Variants in REEP5 observed in about 807,000 individuals in gnomAD.
The protein encoded by REEP5 is receptor expression-enhancing protein 5.
REEP5 carries 24 observed loss-of-function variants against 22.4 expected under a neutral mutation model. The observed-to-expected ratio is 1.07, with a 90% CI of 0.78 to 1.51. REEP5 has a LOEUF of 1.51. Among genes scored for constraint, REEP5 ranks in the 40% most tolerant of loss-of-function variants. The probability of loss-of-function intolerance (pLI) is 0.00; values close to 1 mark genes in which losing one functional copy is unlikely to be tolerated. For synonymous variants in REEP5, 103 were observed against 88.6 expected, an observed-to-expected ratio of 1.16 and a Z score of -0.92; for missense variants, 252 against 233.0, an observed-to-expected ratio of 1.08 and a Z score of -0.53.
chr5:112,895,992 C>T (rs189722528), intron 3 of REEP5: 2 of 152,468 alleles, frequency 1.3e-5, no homozygotes, highest in Non-Finnish European at 2.9e-5. Context: ...CATTCTATTC[C>T]GTCTGTGCTT....
chr5:112,886,502 G>T (rs765018358), intron 4 of REEP5, among the ~76,000 whole-genome samples: 4 of 152,196 alleles, frequency 2.6e-5, no homozygotes, highest in African/African-American at 9.7e-5. Context: ...TCTTCTGCAA[G>T]TGGAGAGAAC....
chr5:112,892,261 A>G (rs776362524), intron 3 of REEP5: 1 of 1,614,138 alleles, frequency 6.2e-7, no homozygotes, highest in South Asian at 1.1e-5. Context: ...CCTTCTTATT[A>G]AGAGCATGTT....
intron 3 of REEP5, chr5:112,893,094 TAAAAAAAAAAAAA>T: frequency 8.0e-5 from 40 of 500,078 alleles, no homozygotes; most frequent in Middle Eastern, 6.8e-4. Context: ...GTTTTGTTCT[TAAAAAAAAAAAAA>T]AAAAAAAAAA....
At chr5:112,878,919 G>C in intron 4 of REEP5, 84 bp from the exon 5 acceptor site, 1 of 1,602,670 alleles carries the variant, frequency 6.2e-7, no homozygotes, top group Non-Finnish European at 8.5e-7. Flanking sequence ...GCCTAATGTA[G>C]CTACTAGATA....
intron 3 of REEP5, among the ~76,000 whole-genome samples, chr5:112,900,841 CT>C (rs538292150): frequency 3.4e-3 from 491 of 143,358 alleles, no homozygotes; most frequent in African/African-American, 5.4e-3. Context: ...GAATATATTT[CT>C]TTTTTTTTTT....
chr5:112,902,367 A>G lies in REEP5; in HGVS notation c.351+13T>C. ...ACTGAGATGGAGTTTTAGTGGTAGC[A>G]AGACCAACATACCTTCAGCATGTAG... On this transcript the variant is annotated intron_variant, in intron 3 of 4. Transcript: ENST00000379638. The G allele has an allele frequency of 6.2e-7, 1 of 1,601,510 alleles. No individual in the cohort carries two copies. Among genetic ancestry groups the G allele is most frequent in the Non-Finnish European group, 8.5e-7 (1 of 1,175,678 alleles).
At chr5:112,917,271 T>C (rs1294941801) in intron 2 of REEP5, among the ~76,000 whole-genome samples, 1 of 152,208 alleles carries the variant, frequency 6.6e-6, no homozygotes, top group East Asian at 1.9e-4. Flanking sequence ...CTAAATGTGC[T>C]TTACATTCCT....
intron 2 of REEP5, among the ~76,000 whole-genome samples, chr5:112,919,307 G>C (rs541201686): frequency 4.2e-4 from 64 of 152,246 alleles, no homozygotes; most frequent in African/African-American, 1.5e-3. Flanking sequence ...CAGTACTTTG[G>C]GAGGCTGAGA....
chr5:112,893,094 T>TAAAAA (rs552226372), intron 3 of REEP5: 35 of 501,476 alleles, frequency 7.0e-5, no homozygotes, highest in Non-Finnish European at 8.2e-5. Context: ...GTTTTGTTCT[T>TAAAAA]AAAAAAAAAA....
chr5:112,922,194 G>A lies in REEP5; in HGVS notation c.-4C>T, dbSNP rs1171282332. On this transcript the variant is annotated 5_prime_UTR_variant, in exon 1 of 5. Coordinates refer to ENST00000379638, the MANE Select transcript of REEP5 (RefSeq NM_005669.5). The stretch of plus-strand genomic sequence containing the variant: ...TCTCCCTCATGGCCGCAGACATGGC[G>A]GGGACCGTCTCGCCGCTCGGGGCTG... The A allele has an allele frequency of 6.2e-7, 1 of 1,603,134 alleles. No individual in the cohort carries two copies. The highest frequency in any genetic ancestry group is 1.4e-5 in the African/African-American group (1 of 73,866).
intron 2 of REEP5, among the ~76,000 whole-genome samples, chr5:112,917,683 G>C (rs1195183683): frequency 6.6e-6 from 1 of 152,162 alleles, no homozygotes; most frequent in Non-Finnish European, 1.5e-5. Flanking sequence ...TGAGGGTGCA[G>C]CACAGCATAC....
intron 2 of REEP5, among the ~76,000 whole-genome samples, chr5:112,905,552 A>C (rs1768935996): frequency 7.1e-6 from 1 of 140,738 alleles, no homozygotes; most frequent in Admixed American, 7.0e-5. Context: ...AAAAAAAAAC[A>C]AAACAAAAAA....
chr5:112,884,753 A>C (rs1768184414), intron 4 of REEP5, among the ~76,000 whole-genome samples: 1 of 147,078 alleles, frequency 6.8e-6, no homozygotes, highest in African/African-American at 2.6e-5. Flanking sequence ...CTCTATTTAA[A>C]ATCATAACCA....
intron 3 of REEP5, chr5:112,892,947 G>C: frequency 6.3e-7 from 1 of 1,599,072 alleles, no homozygotes; most frequent in Non-Finnish European, 8.5e-7. Flanking sequence ...ACCGCAGCTG[G>C]GACCAGGGCC....
intron 1 of REEP5, chr5:112,921,518 C>G: frequency 1.9e-6 from 1 of 531,642 alleles, no homozygotes; most frequent in South Asian, 2.1e-5. Context: ...CAGCAACCCC[C>G]GGCGCCCGGG....
chr5:112,880,430 G>C (rs1486373007), intron 4 of REEP5, among the ~76,000 whole-genome samples: 6 of 151,980 alleles, frequency 3.9e-5, no homozygotes, highest in African/African-American at 1.5e-4. Context: ...AGCTGTTCTT[G>C]ATGGAGCCAG....
intron 4 of REEP5, among the ~76,000 whole-genome samples, chr5:112,886,407 A>G (rs1414404778): frequency 2.0e-5 from 3 of 152,226 alleles, no homozygotes; most frequent in Non-Finnish European, 4.4e-5. Context: ...TAGAGTAGAC[A>G]TGGAATTCAT....
At chr5:112,920,994 T>C (rs780030363) in intron 2 of REEP5, among the ~76,000 whole-genome samples, 169 bp downstream of exon 2, 6 of 152,152 alleles carry the variant, frequency 3.9e-5, no homozygotes, top group Non-Finnish European at 7.4e-5. Context: ...GGGATTAAGT[T>C]AAGGTTCCAA....
intron 4 of REEP5, among the ~76,000 whole-genome samples, chr5:112,879,106 T>C (rs937743847): frequency 6.6e-6 from 1 of 152,100 alleles, no homozygotes; most frequent in African/African-American, 2.4e-5. Flanking sequence ...ACCGAAACTG[T>C]CTGCCCTCTA....
Sources: gnomAD v4.1 joint callset for allele counts (sites outside exome capture counted in the v4.1 genomes callset) on GRCh38, gnomAD v4.1.1 for gene constraint, MANE v1.5 for transcripts, NCBI Gene and HGNC (gene_info 2026-07-23, HGNC 2026-07-21) for gene names.